The following KIF5A variants were observed in gnomAD, a reference collection of about 807,000 sequenced individuals.
KIF5A encodes the protein kinesin heavy chain isoform 5A.
In KIF5A, 35 loss-of-function variants were observed where a neutral mutation model predicts 141.3. The observed-to-expected ratio is 0.25, with a 90% CI of 0.19 to 0.33. The LOEUF (loss-of-function observed/expected upper bound fraction) is 0.33. Among genes scored for constraint, KIF5A ranks in the 10% least tolerant of loss-of-function variants. The pLI is 1.00. For missense variants in KIF5A, 861 were observed against 1,314.3 expected, an observed-to-expected ratio of 0.66 and a Z score of 5.33; for synonymous variants, 448 against 500.2, an observed-to-expected ratio of 0.90 and a Z score of 1.39.
At position 57,583,187 on chromosome 12, in the gene KIF5A, C is replaced by T. The variant is rs757674339; in HGVS notation, c.*8C>T. 1.8e-5 allele frequency: 29 copies of T among 1,612,638 alleles called. No individual in the cohort carries two copies. The East Asian group carries it at 5.8e-4, about 32-fold the overall frequency. On this transcript the variant is annotated 3_prime_UTR_variant, in exon 28 of 29. Transcript: ENST00000455537. ...GAGACAGCAGCCAGCTAATCTCCCA[C>T]ACCCACGGCTGCATACCTGCACTTT...
chr12:57,576,520 A>C (rs1268540894), intron 19 of KIF5A, 142 bp downstream of exon 19: 2 of 752,970 alleles, frequency 2.7e-6, no homozygotes, highest in Non-Finnish European at 4.6e-6. Flanking sequence ...GCCCCACCTC[A>C]GGAGACACAT....
At chr12:57,559,483 T>A (rs1881846036) in intron 1 of KIF5A, among the ~76,000 whole-genome samples, 1 of 152,210 alleles carries the variant, frequency 6.6e-6, no homozygotes, top group Non-Finnish European at 1.5e-5. Context: ...TATTAATTAA[T>A]ATATTTTAAC....
intron 15 of KIF5A, among the ~76,000 whole-genome samples, chr12:57,574,214 T>A (rs1401063842): frequency 1.3e-5 from 2 of 151,756 alleles, no homozygotes; most frequent in East Asian, 1.9e-4. Context: ...ATCAAGGAGA[T>A]CAAAAGAAAA....
At chr12:57,567,751 C>G in intron 8 of KIF5A, 133 bp downstream of exon 8, 2 of 941,012 alleles carry the variant, frequency 2.1e-6, no homozygotes, top group Non-Finnish European at 1.5e-6. Flanking sequence ...ACCTCCGCCT[C>G]CTGGGTTTAA....
intron 1 of KIF5A, among the ~76,000 whole-genome samples, chr12:57,562,006 T>G (rs1310819764): frequency 6.6e-6 from 1 of 152,230 alleles, no homozygotes; most frequent in Non-Finnish European, 1.5e-5. Flanking sequence ...TAAAACAATT[T>G]GACAAGTCAG....
chr12:57,551,874 C>A (rs1357825074), intron 1 of KIF5A, among the ~76,000 whole-genome samples: 2 of 38,570 alleles, frequency 5.2e-5, no homozygotes, highest in African/African-American at 5.2e-4. Context: ...TGCTTTTGGT[C>A]TCTCTCTCTC....
At chr12:57,564,275 C>G (rs1881996955) in intron 4 of KIF5A, 63 bp downstream of exon 4, 3 of 1,269,106 alleles carry the variant, frequency 2.4e-6, no homozygotes, top group Admixed American at 1.7e-5. Flanking sequence ...CTAAAATCTT[C>G]CCACTGAAGA....
At chr12:57,579,857 C>G (rs1018450086) in intron 23 of KIF5A, among the ~76,000 whole-genome samples, 1 of 152,152 alleles carries the variant, frequency 6.6e-6, no homozygotes, top group Non-Finnish European at 1.5e-5. Context: ...CACACTGTTT[C>G]CTTTATCGTC....
chr12:57,581,266 T>C, intron 24 of KIF5A, 94 bp downstream of exon 24: 1 of 1,495,322 alleles, frequency 6.7e-7, no homozygotes, highest in South Asian at 1.2e-5. Context: ...GCTTCTTACC[T>C]ACCCCTAGCC....
chr12:57,564,640 G>A (rs529109441), intron 5 of KIF5A, 132 bp downstream of exon 5: 43 of 867,862 alleles, frequency 5.0e-5, no homozygotes, highest in African/African-American at 2.2e-4. Context: ...TTTTGGCCCC[G>A]TTTACCAGAA....
intron 28 of KIF5A, 41 bp downstream of exon 28, chr12:57,583,256 TC>T: frequency 8.0e-7 from 1 of 1,252,362 alleles, no homozygotes; most frequent in Non-Finnish European, 1.2e-6. Context: ...TCAGGTTGCT[TC>T]CCTTCTTGCT....
chr12:57,579,158 C>G (rs1248818645), intron 23 of KIF5A, among the ~76,000 whole-genome samples: 2 of 152,104 alleles, frequency 1.3e-5, no homozygotes, highest in Non-Finnish European at 2.9e-5. Flanking sequence ...GCCTCTCTGT[C>G]CCCCTCCTTG....
chr12:57,566,875 A>G (rs534384282), intron 6 of KIF5A, among the ~76,000 whole-genome samples: 1 of 151,876 alleles, frequency 6.6e-6, no homozygotes, highest in Non-Finnish European at 1.5e-5. Context: ...CCCCGTCTCT[A>G]CTAAAAATAC....
intron 28 of KIF5A, 28 bp downstream of exon 28, chr12:57,583,243 G>C: frequency 7.2e-7 from 1 of 1,391,558 alleles, no homozygotes; most frequent in Non-Finnish European, 1.0e-6. Context: ...CCTCGGACCA[G>C]CCTCAGGTTG....
In KIF5A at chr12:57,572,694, A is replaced by G. The variant is rs1882293351; in HGVS notation, c.1684A>G (p.Ser562Gly). The change falls in exon 15 of 29, where the codon AGT (serine) becomes GGT (glycine). Residue 562 changes from serine (S) to glycine (G), a missense_variant. Coordinates refer to ENST00000455537, the MANE Select transcript of KIF5A (RefSeq NM_004984.4). The surrounding 1 kb of genome is among the most constrained non-coding windows in gnomAD (Gnocchi z 4.2). The stretch of plus-strand genomic sequence containing the variant: ...GCTGATGAAGGATCTGAGCGAGTTC[A>G]GTGTCATTGTGGGCAACGGGGAGAT... ...NGLMKDLSEFSVIVGNGEIKL... is the reference protein window; with the variant it reads ...NGLMKDLSEFGVIVGNGEIKL... 1 of 1,614,208 alleles carries G rather than the reference A, an allele frequency of 6.2e-7. No homozygotes were observed. The highest frequency in any genetic ancestry group is 8.5e-7 in the Non-Finnish European group (1 of 1,180,028).
intron 23 of KIF5A, among the ~76,000 whole-genome samples, chr12:57,579,378 A>G (rs1459327458): frequency 6.6e-6 from 1 of 152,084 alleles, no homozygotes; most frequent in Non-Finnish European, 1.5e-5. Flanking sequence ...CCTAACCTAT[A>G]CTTCATTCCT....
rs371335708 is a variant in KIF5A at position 57,569,656 on chromosome 12, G to A, written c.1090G>A (p.Glu364Lys). Residue 364 changes from glutamate (E) to lysine (K), a missense_variant, in exon 11 of 29, where the codon GAG becomes AAG. By Grantham distance (56) the Glu-to-Lys change is moderately conservative. Coordinates refer to ENST00000455537, the MANE Select transcript of KIF5A (RefSeq NM_004984.4). ...KAQKETIAKL[E>K]AELSRWRNGE... ...CCAGAAGGAGACGATTGCGAAGCTG[G>A]AGGCTGAGCTGAGCCGGTGGCGCAA... The A allele has an allele frequency of 6.8e-6, 11 of 1,613,914 alleles. No individual in the cohort carries two copies. In the African/African-American group the frequency reaches 1.5e-4, roughly 22 times the overall value.
chr12:57,558,849 C>CGAAGGTGCA (rs1881823966), intron 1 of KIF5A, among the ~76,000 whole-genome samples: 1 of 152,124 alleles, frequency 6.6e-6, no homozygotes, highest in Admixed American at 6.5e-5. Flanking sequence ...AATCATGGCT[C>CGAAGGTGCA]ACTGCAACCT....
At chr12:57,560,474 A>G (rs1408158521) in intron 1 of KIF5A, among the ~76,000 whole-genome samples, 1 of 152,206 alleles carries the variant, frequency 6.6e-6, no homozygotes, top group Admixed American at 6.5e-5. Flanking sequence ...CTCCAACCAG[A>G]AAATAATGAA....
Sources: gnomAD v4.1 joint callset for allele counts (sites outside exome capture counted in the v4.1 genomes callset) on GRCh38, gnomAD v4.1.1 for gene constraint, Gnocchi (gnomAD v3.1) non-coding constraint, MANE v1.5 for transcripts, NCBI Gene and HGNC (gene_info 2026-07-23, HGNC 2026-07-21) for gene names.